Variants in PAPPA2 observed in about 807,000 individuals in gnomAD.
PAPPA2 encodes the protein pappalysin-2.
PAPPA2 carries 86 observed loss-of-function variants against 176.4 expected under a neutral mutation model. The ratio of observed to expected loss-of-function variants is 0.49; its 90% CI spans 0.41 to 0.58. The LOEUF is 0.58. Ranked by LOEUF, PAPPA2 falls within the 20% of genes least tolerant of loss-of-function variation. PAPPA2 has a pLI of 0.00. For missense variants in PAPPA2, 2,073 were observed against 2,256.9 expected (o/e 0.92, Z 1.65); for synonymous variants, 809 against 852.2 (o/e 0.95, Z 0.88).
At chr1:176,470,523 A>G (rs1054484150) in intron 1 of PAPPA2, among the ~76,000 whole-genome samples, 10 of 152,198 alleles carry the variant, frequency 6.6e-5, no homozygotes, top group African/African-American at 2.4e-4. Context: ...AGGAATGATC[A>G]GGCCAGTAGA....
At chr1:176,721,649 T>G (rs1661623465) in intron 12 of PAPPA2, among the ~76,000 whole-genome samples, 1 of 152,168 alleles carries the variant, frequency 6.6e-6, no homozygotes, top group Admixed American at 6.5e-5. Context: ...TGATATATAT[T>G]TCTTTGAAGG....
rs539261172 is a variant in PAPPA2, at chr1:176,679,087, T to C, written c.2137+7972T>C. ...GAACAGGAAAAAGAAGATAGAAAGA[T>C]AGGTTGGAAACTCCTGCACTCTCAT... On this transcript the variant is annotated intron_variant, in intron 4 of 22. Transcript: ENST00000367662. Among the ~76,000 whole-genome samples the C allele has an allele frequency of 3.9e-5, 6 of 152,166 alleles. No homozygotes were observed. In the South Asian group the frequency reaches 1.2e-3, roughly 32 times the overall value.
intron 21 of PAPPA2, among the ~76,000 whole-genome samples, chr1:176,816,720 G>A (rs1475283118): frequency 6.6e-6 from 1 of 151,938 alleles, no homozygotes; most frequent in African/African-American, 2.4e-5. Context: ...CCAGCTCTAA[G>A]CCTGAGAGAT....
chr1:176,815,375 C>A (rs1241930972), intron 21 of PAPPA2, among the ~76,000 whole-genome samples: 3 of 152,210 alleles, frequency 2.0e-5, no homozygotes. Context: ...CTAGTTCACA[C>A]CTCTAGGTTT....
At chr1:176,709,573 A>G (rs1303865639) in intron 10 of PAPPA2, among the ~76,000 whole-genome samples, 2 of 152,194 alleles carry the variant, frequency 1.3e-5, no homozygotes, top group African/African-American at 2.4e-5. Context: ...AGATTCAAAT[A>G]TGTAATACCT....
intron 1 of PAPPA2, among the ~76,000 whole-genome samples, chr1:176,543,210 G>C (rs151256530): frequency 2.0e-5 from 3 of 152,288 alleles, no homozygotes; most frequent in Non-Finnish European, 4.4e-5. Context: ...AGGCAGCTAG[G>C]CTTTGGGGAG....
At chr1:176,575,651 GC>G in intron 2 of PAPPA2, among the ~76,000 whole-genome samples, 1 of 152,164 alleles carries the variant, frequency 6.6e-6, no homozygotes, top group Non-Finnish European at 1.5e-5. Flanking sequence ...AGCAAACCAG[GC>G]AAAAATGCCC....
intron 1 of PAPPA2, among the ~76,000 whole-genome samples, chr1:176,489,599 C>T (rs1358414888): frequency 6.6e-6 from 1 of 152,170 alleles, no homozygotes; most frequent in Non-Finnish European, 1.5e-5. Flanking sequence ...AGCTTTCTGA[C>T]TATATAATCC....
chr1:176,567,495 TA>T (rs1652056658), intron 2 of PAPPA2, among the ~76,000 whole-genome samples: 1 of 152,222 alleles, frequency 6.6e-6, no homozygotes, highest in Non-Finnish European at 1.5e-5. Flanking sequence ...TTCCTACAAA[TA>T]ATTGCTCTAC....
chr1:176,804,209 C>T (rs1000634417), intron 21 of PAPPA2, among the ~76,000 whole-genome samples: 2 of 152,040 alleles, frequency 1.3e-5, no homozygotes, highest in Admixed American at 6.6e-5. Flanking sequence ...TTGTTGTTGC[C>T]ACATGTTACT....
intron 7 of PAPPA2, among the ~76,000 whole-genome samples, chr1:176,697,577 C>T (rs1261995324): frequency 6.6e-6 from 1 of 152,168 alleles, no homozygotes; most frequent in Non-Finnish European, 1.5e-5. Flanking sequence ...TAACCACCAA[C>T]TATTTTCTAA....
intron 1 of PAPPA2, among the ~76,000 whole-genome samples, chr1:176,526,378 C>T (rs1187313376): frequency 1.3e-5 from 2 of 152,178 alleles, no homozygotes. Context: ...GGAATATGGG[C>T]AAAACTGGTA....
At chr1:176,642,686 A>G (rs117525706) in intron 3 of PAPPA2, among the ~76,000 whole-genome samples, 2 of 152,138 alleles carry the variant, frequency 1.3e-5, no homozygotes, top group East Asian at 1.9e-4. Flanking sequence ...AAAGTTGAAC[A>G]TAACTGATAG....
chr1:176,466,026 T>TA (rs1438573814), intron 1 of PAPPA2, among the ~76,000 whole-genome samples: 2 of 152,174 alleles, frequency 1.3e-5, no homozygotes. Flanking sequence ...TCTTAGGTTT[T>TA]AAAAAATGTA....
At chr1:176,801,943 G>T (rs1571348193) in intron 21 of PAPPA2, among the ~76,000 whole-genome samples, 2 of 152,226 alleles carry the variant, frequency 1.3e-5, no homozygotes, top group East Asian at 1.9e-4. Flanking sequence ...AGGAACAAAA[G>T]CTCCATGTCT....
chr1:176,690,911 TAAA>T (rs3039065), intron 5 of PAPPA2: 314 of 932,084 alleles, frequency 3.4e-4, no homozygotes, highest in Admixed American at 4.1e-4. Context: ...TGTATGTTAC[TAAA>T]AAAAAAAAAA....
chr1:176,790,088 T>C, intron 18 of PAPPA2, 111 bp downstream of exon 18: 1 of 1,270,242 alleles, frequency 7.9e-7, no homozygotes, highest in Non-Finnish European at 1.1e-6. Flanking sequence ...GGCAGGGACT[T>C]GGGATTCTAA....
chr1:176,644,262 G>A (rs1252599784), intron 3 of PAPPA2, among the ~76,000 whole-genome samples: 1 of 151,722 alleles, frequency 6.6e-6, no homozygotes, highest in East Asian at 2.0e-4. Flanking sequence ...TGAGACTCAG[G>A]CAGGTTCAAG....
At chr1:176,637,170 C>G (rs1323431766) in intron 3 of PAPPA2, among the ~76,000 whole-genome samples, 1 of 151,916 alleles carries the variant, frequency 6.6e-6, no homozygotes, top group Non-Finnish European at 1.5e-5. Context: ...CAGTATCATT[C>G]AACTGGATCA....
Sources: gnomAD v4.1 joint callset for allele counts (sites outside exome capture counted in the v4.1 genomes callset) on GRCh38, gnomAD v4.1.1 for gene constraint, MANE v1.5 for transcripts, NCBI Gene and HGNC (gene_info 2026-07-23, HGNC 2026-07-21) for gene names.